The following USP31 variants were observed in gnomAD, a reference collection of about 807,000 sequenced individuals.
USP31 encodes the protein ubiquitin carboxyl-terminal hydrolase 31.
USP31 carries 44 observed loss-of-function variants against 119.4 expected under a neutral mutation model. That is an observed-to-expected ratio of 0.37 (90% CI 0.29 to 0.47). The LOEUF (loss-of-function observed/expected upper bound fraction) is 0.47, where lower values mean the gene tolerates loss of function less well. Among genes scored for constraint, USP31 ranks in the 20% least tolerant of loss-of-function variants. The probability of loss-of-function intolerance (pLI) is 0.99; values close to 1 mark genes in which losing one functional copy is unlikely to be tolerated. For synonymous variants in USP31, 749 were observed against 705.6 expected (o/e 1.06, Z -0.97); for missense variants, 1,643 against 1,730.2 (o/e 0.95, Z 0.89).
chr16:23,087,215 C>T, intron 8 of USP31, 29 bp from the exon 9 acceptor site: 1 of 1,597,316 alleles, frequency 6.3e-7, no homozygotes. Flanking sequence ...GAGAATTAAG[C>T]CAAATTTTTC....
chr16:23,075,739 T>C (rs987293124), intron 13 of USP31, among the ~76,000 whole-genome samples: 1 of 152,140 alleles, frequency 6.6e-6, no homozygotes, highest in Non-Finnish European at 1.5e-5. Flanking sequence ...ATCGATTATA[T>C]CATTATACCA....
intron 15 of USP31, among the ~76,000 whole-genome samples, chr16:23,071,517 T>C (rs1697886701): frequency 6.6e-6 from 1 of 151,712 alleles, no homozygotes; most frequent in Non-Finnish European, 1.5e-5. Context: ...CTTTTTACTA[T>C]CTCTATGCAA....
At chr16:23,101,088 T>C (rs1901833496) in intron 6 of USP31, among the ~76,000 whole-genome samples, 1 of 152,176 alleles carries the variant, frequency 6.6e-6, no homozygotes, top group African/African-American at 2.4e-5. Flanking sequence ...ATCAATAGCA[T>C]GTAACATGAT....
chr16:23,140,497 T>C (rs1903323475), intron 1 of USP31, among the ~76,000 whole-genome samples: 2 of 152,318 alleles, frequency 1.3e-5, no homozygotes, highest in Non-Finnish European at 1.5e-5. Flanking sequence ...CAAGGCTCTC[T>C]GTCCCCAGAC....
chr16:23,066,279 G>A lies in USP31; in HGVS notation c.*1767C>T, dbSNP rs1567221388. On this transcript the variant is annotated 3_prime_UTR_variant, in exon 16 of 16. Transcript: ENST00000219689. Reference sequence around the variant, plus strand: ...TGTCTAAATCTTAAATACTGCCAAGGGTCTAAAATTCCAGCTACCCTCAAC... The same window carrying A: ...TGTCTAAATCTTAAATACTGCCAAGAGTCTAAAATTCCAGCTACCCTCAAC... The A allele has an allele frequency of 6.6e-6, 1 of 152,436 alleles. No individual in the cohort carries two copies. The allele number at this position is 152,436 out of a possible 1,614,324, so 9.4% of individuals were successfully genotyped here. A position where few individuals can be genotyped will look rare whatever the true frequency, so the allele number is the denominator to read the frequency against.
intron 1 of USP31, among the ~76,000 whole-genome samples, chr16:23,140,600 C>A (rs1235597977): frequency 6.6e-6 from 1 of 152,186 alleles, no homozygotes; most frequent in Non-Finnish European, 1.5e-5. Context: ...TATTTATCTT[C>A]AAATCCCATT....
Position 23,085,666 on chromosome 16 carries a change from T to G in USP31, c.1623-4A>C, listed in dbSNP as rs1435117179. ...TGGTCCACAAGATTTTAATGCCCTA[T>G]AGAACCAGGGAAGTGGAGAGGGAAG... On this transcript the variant is annotated splice_region_variant and splice_polypyrimidine_tract_variant and intron_variant, in intron 9 of 15. Coordinates refer to ENST00000219689, the MANE Select transcript of USP31 (RefSeq NM_020718.4). 6.2e-7 allele frequency: 1 copy of G among 1,612,444 alleles called. No homozygotes were observed. The highest frequency in any genetic ancestry group is 8.5e-7 in the Non-Finnish European group (1 of 1,178,964).
intron 1 of USP31, among the ~76,000 whole-genome samples, chr16:23,138,049 G>A (rs1247364618): frequency 2.6e-5 from 4 of 152,202 alleles, no homozygotes; most frequent in Admixed American, 6.5e-5. Flanking sequence ...TTAGGGCAAC[G>A]TGTTCCAGAG....
intron 1 of USP31, among the ~76,000 whole-genome samples, chr16:23,121,465 C>T (rs915963152): frequency 1.3e-5 from 2 of 152,188 alleles, no homozygotes; most frequent in African/African-American, 4.8e-5. Flanking sequence ...TGGCCTGGCC[C>T]GGCCCAATCT....
At chr16:23,078,050 A>C (rs1900656431) in intron 13 of USP31, among the ~76,000 whole-genome samples, 1 of 152,184 alleles carries the variant, frequency 6.6e-6, no homozygotes, top group African/African-American at 2.4e-5. Flanking sequence ...GCAGTGGCTC[A>C]TGCCTGTAAT....
chr16:23,105,634 A>T (rs1319855331), intron 4 of USP31, 58 bp from the exon 5 acceptor site: 1 of 1,471,346 alleles, frequency 6.8e-7, no homozygotes, highest in Admixed American at 2.3e-5. Flanking sequence ...AAAATATAGA[A>T]GATGCAAAAT....
intron 1 of USP31, among the ~76,000 whole-genome samples, chr16:23,146,128 T>C (rs577290990): frequency 1.3e-5 from 2 of 151,790 alleles, no homozygotes; most frequent in South Asian, 4.2e-4. Context: ...GATTTTCACA[T>C]TTTGGAAAAG....
intron 12 of USP31, among the ~76,000 whole-genome samples, chr16:23,081,874 G>C (rs2141841187): frequency 6.6e-6 from 1 of 152,310 alleles, no homozygotes; most frequent in East Asian, 1.9e-4. Flanking sequence ...CCTAGTAAAA[G>C]CTTGCTCATC....
At chr16:23,071,953 C>A in intron 15 of USP31, 92 bp downstream of exon 15, 1 of 1,514,672 alleles carries the variant, frequency 6.6e-7, no homozygotes, top group East Asian at 2.3e-5. Flanking sequence ...CCTACCATCT[C>A]CTTGGGACTT....
At chr16:23,104,496 A>G (rs1457187957) in intron 5 of USP31, among the ~76,000 whole-genome samples, 2 of 152,348 alleles carry the variant, frequency 1.3e-5, no homozygotes, top group Non-Finnish European at 2.9e-5. Flanking sequence ...GAAGAGAAGA[A>G]AGAGCCAATG....
Position 23,149,408 on chromosome 16 carries a change from G to C in USP31, c.-138C>G. Reference sequence around the variant, plus strand: ...CCCACACACCTCAAAGCGCAGCCGAGCCAGCGAGCGAGCGGCGGCCGGCGG... The same window carrying C: ...CCCACACACCTCAAAGCGCAGCCGACCCAGCGAGCGAGCGGCGGCCGGCGG... On this transcript the variant is annotated 5_prime_UTR_variant, in exon 1 of 16. Coordinates refer to ENST00000219689, the MANE Select transcript of USP31 (RefSeq NM_020718.4). 1 of 962,640 alleles carries C rather than the reference G, an allele frequency of 1.0e-6. No individual in the cohort carries two copies. Among genetic ancestry groups the C allele is most frequent in the Non-Finnish European group, 1.2e-6 (1 of 810,778 alleles). 59.6% of individuals were successfully genotyped at this position (962,640 alleles called of 1,614,324 possible). A position where few individuals can be genotyped will look rare whatever the true frequency, so the allele number is the denominator to read the frequency against.
chr16:23,120,852 G>C (rs1436942470), intron 1 of USP31, among the ~76,000 whole-genome samples: 2 of 152,128 alleles, frequency 1.3e-5, no homozygotes, highest in Non-Finnish European at 2.9e-5. Context: ...GCAAGGACTA[G>C]AGGAAAAATG....
chr16:23,126,320 TAAAAAAAAAAAAA>T (rs71279502), intron 1 of USP31, among the ~76,000 whole-genome samples: 1 of 107,168 alleles, frequency 9.3e-6, no homozygotes, highest in Non-Finnish European at 1.9e-5. Flanking sequence ...CCTGTCTCTT[TAAAAAAAAAAAAA>T]AAAAAAAAAG....
At chr16:23,139,457 G>A (rs958322387) in intron 1 of USP31, among the ~76,000 whole-genome samples, 2 of 152,180 alleles carry the variant, frequency 1.3e-5, no homozygotes, top group African/African-American at 4.8e-5. Context: ...GCAGCTCTAC[G>A]CTGTATTCAG....
Sources: allele counts gnomAD v4.1 joint callset (sites outside exome capture counted in the v4.1 genomes callset), GRCh38; gene constraint gnomAD v4.1.1; transcripts MANE v1.5; gene names NCBI Gene and HGNC (gene_info 2026-07-23, HGNC 2026-07-21).